LUZP2: variants seen among roughly 807,000 people sequenced by gnomAD.
LUZP2 encodes the protein leucine zipper protein 2.
A neutral mutation model predicts 51.6 loss-of-function variants in LUZP2; 52 were observed. That is an observed-to-expected ratio of 1.01 (90% confidence interval 0.81 to 1.27). The LOEUF (loss-of-function observed/expected upper bound fraction) is 1.27, where lower values mean the gene tolerates loss of function less well. LUZP2 is among the 50% of genes most tolerant of loss of function. The pLI is 0.00. For missense variants in LUZP2, 436 were observed against 395.4 expected (o/e 1.10, Z -0.87); for synonymous variants, 154 against 137.3 (o/e 1.12, Z -0.85).
At chr11:25,004,163 G>C (rs181225568) in intron 9 of LUZP2, among the ~76,000 whole-genome samples, 4 of 152,302 alleles carry the variant, frequency 2.6e-5, no homozygotes, top group Admixed American at 6.5e-5. Context: ...GGATCATCTG[G>C]TTGGGGGCTG....
intron 1 of LUZP2, among the ~76,000 whole-genome samples, chr11:24,526,046 T>C (rs1400959054): frequency 6.6e-6 from 1 of 151,384 alleles, no homozygotes; most frequent in Admixed American, 6.6e-5. Flanking sequence ...ACTTTCAATA[T>C]TTTTTACTTA....
At chr11:24,781,341 A>C (rs1354879061) in intron 5 of LUZP2, among the ~76,000 whole-genome samples, 1 of 152,048 alleles carries the variant, frequency 6.6e-6, no homozygotes, top group East Asian at 1.9e-4. Flanking sequence ...TGTTGATATC[A>C]TCAAAATAGA....
chr11:24,499,095 T>C (rs1172041770), intron 1 of LUZP2, among the ~76,000 whole-genome samples: 1 of 152,198 alleles, frequency 6.6e-6, no homozygotes, highest in African/African-American at 2.4e-5. Flanking sequence ...AACACACTTA[T>C]TACAACAAAA....
chr11:24,844,558 C>G (rs1045109497), intron 5 of LUZP2, among the ~76,000 whole-genome samples: 2 of 152,136 alleles, frequency 1.3e-5, no homozygotes, highest in African/African-American at 4.8e-5. Context: ...AAGTAACAGG[C>G]AGCCAAATGT....
chr11:24,587,351 C>G (rs147726911), intron 1 of LUZP2, among the ~76,000 whole-genome samples: 32 of 152,198 alleles, frequency 2.1e-4, no homozygotes, highest in African/African-American at 7.0e-4. Flanking sequence ...ATTCAGAATT[C>G]CCTATCTGGA....
chr11:24,857,844 T>C (rs1851618074), intron 5 of LUZP2, among the ~76,000 whole-genome samples: 2 of 152,142 alleles, frequency 1.3e-5, no homozygotes, highest in Non-Finnish European at 1.5e-5. Flanking sequence ...TATACTTAAC[T>C]GGTTTCCATG....
chr11:24,987,685 C>G (rs1429935319), intron 9 of LUZP2, among the ~76,000 whole-genome samples: 1 of 151,900 alleles, frequency 6.6e-6, no homozygotes, highest in African/African-American at 2.4e-5. Context: ...GAATGGGGCT[C>G]TCTTTAGGAG....
intron 9 of LUZP2, among the ~76,000 whole-genome samples, chr11:25,045,188 C>A (rs1370122760): frequency 6.6e-6 from 1 of 150,688 alleles, no homozygotes; most frequent in Admixed American, 6.6e-5. Flanking sequence ...GCACATGTGC[C>A]CTAAAACTTA....
chr11:25,076,606 GGAAGGAAT>G (rs112420548), intron 10 of LUZP2, among the ~76,000 whole-genome samples: 58,486 of 140,234 alleles, frequency 0.42, 13,044 homozygotes, highest in Non-Finnish European at 0.5. Context: ...AGGGAACTAA[GGAAGGAAT>G]GAAGGAAGGA....
chr11:25,078,490 C>G, intron 11 of LUZP2, 64 bp from the exon 12 acceptor site: 2 of 1,329,944 alleles, frequency 1.5e-6, no homozygotes. Context: ...TTAGACTTTT[C>G]AATTTTTACC....
At chr11:24,828,334 G>A (rs1176898918) in intron 5 of LUZP2, among the ~76,000 whole-genome samples, 1 of 152,082 alleles carries the variant, frequency 6.6e-6, no homozygotes, top group Non-Finnish European at 1.5e-5. Context: ...AAAGACACAA[G>A]CAACTTAGAG....
At chr11:24,976,557 A>G (rs1437069181) in intron 7 of LUZP2, 34 bp from the exon 8 acceptor site, 3 of 1,489,844 alleles carry the variant, frequency 2.0e-6, no homozygotes, top group Non-Finnish European at 2.7e-6. Flanking sequence ...GAAATTGCAG[A>G]ATTTATCTAG....
intron 4 of LUZP2, among the ~76,000 whole-genome samples, chr11:24,752,000 A>C (rs932349277): frequency 6.6e-6 from 1 of 152,148 alleles, no homozygotes; most frequent in African/African-American, 2.4e-5. Context: ...TAAACGGTGT[A>C]AGTATAAGAA....
intron 9 of LUZP2, among the ~76,000 whole-genome samples, chr11:25,023,000 C>T (rs1857384197): frequency 6.6e-6 from 1 of 152,012 alleles, no homozygotes; most frequent in South Asian, 2.1e-4. Flanking sequence ...GGATGAAGCC[C>T]ACTTGATTAT....
At chr11:24,823,968 C>T (rs960118141) in intron 5 of LUZP2, among the ~76,000 whole-genome samples, 5 of 151,922 alleles carry the variant, frequency 3.3e-5, no homozygotes, top group Non-Finnish European at 5.9e-5. Context: ...GAGGCTGAGG[C>T]AGGAGAATGG....
At chr11:24,864,298 G>T (rs748075116) in intron 5 of LUZP2, among the ~76,000 whole-genome samples, 1 of 149,546 alleles carries the variant, frequency 6.7e-6, no homozygotes, top group Admixed American at 6.7e-5. Context: ...ATGAAAAGCC[G>T]AATTAATAAT....
chr11:24,535,021 C>T (rs934680025), intron 1 of LUZP2, among the ~76,000 whole-genome samples: 6 of 151,166 alleles, frequency 4.0e-5, no homozygotes, highest in Admixed American at 6.6e-5. Flanking sequence ...AGCACATGAA[C>T]GTTTTGCTTT....
At chr11:24,675,982 C>A (rs1590333169) in intron 1 of LUZP2, among the ~76,000 whole-genome samples, 1 of 151,784 alleles carries the variant, frequency 6.6e-6, no homozygotes, top group African/African-American at 2.4e-5. Context: ...CAACACCTGG[C>A]TAATTTTTGT....
intron 5 of LUZP2, among the ~76,000 whole-genome samples, chr11:24,885,193 A>T (rs1471521173): frequency 6.6e-6 from 1 of 152,118 alleles, no homozygotes. Flanking sequence ...ATAATGCCTT[A>T]TAAATTGTGA....
Sources: allele counts gnomAD v4.1 joint callset (sites outside exome capture counted in the v4.1 genomes callset), GRCh38; gene constraint gnomAD v4.1.1; transcripts MANE v1.5; gene names NCBI Gene and HGNC (gene_info 2026-07-23, HGNC 2026-07-21).